The following OSBP2 variants were observed in gnomAD, a reference collection of about 807,000 sequenced individuals.
OSBP2 encodes the protein oxysterol binding protein 2, also known as oxysterol-binding protein 2.
Under a neutral mutation model 96.0 loss-of-function variants are expected in OSBP2, and 66 were observed. The ratio of observed to expected loss-of-function variants is 0.69; its 90% CI spans 0.56 to 0.84. The LOEUF (loss-of-function observed/expected upper bound fraction) is 0.84, where lower values mean the gene tolerates loss of function less well. Among genes scored for constraint, OSBP2 ranks in the 40% least tolerant of loss-of-function variants. The probability of loss-of-function intolerance (pLI) is 0.00; values close to 1 mark genes in which losing one functional copy is unlikely to be tolerated. For missense variants in OSBP2, 1,038 were observed against 1,222.7 expected (o/e 0.85, Z 2.25); for synonymous variants, 525 against 520.9 (o/e 1.01, Z -0.11).
chr22:30,822,508 G>GGACCCACGAGGGTCCGCCGCCTC, intron 2 of OSBP2: 1 of 1,348,416 alleles, frequency 7.4e-7, no homozygotes, highest in Non-Finnish European at 9.5e-7. Flanking sequence ...CGCGGCGCCG[G>GGACCCACGAGGGTCCGCCGCCTC]GACCCACGAG....
chr22:30,775,411 C>T (rs1215583474), intron 2 of OSBP2, among the ~76,000 whole-genome samples: 1 of 151,456 alleles, frequency 6.6e-6, no homozygotes, highest in Non-Finnish European at 1.5e-5. Context: ...AGTTTGAGAC[C>T]AGCCTGGCCA....
At chr22:30,788,749 G>C (rs994062664) in intron 2 of OSBP2, among the ~76,000 whole-genome samples, 2 of 152,118 alleles carry the variant, frequency 1.3e-5, no homozygotes, top group African/African-American at 2.4e-5. Context: ...GTCTTGCTCT[G>C]TCACCCAGGC....
chr22:30,869,875 C>G (rs559370127), intron 2 of OSBP2, among the ~76,000 whole-genome samples: 99 of 152,120 alleles, frequency 6.5e-4, no homozygotes, highest in Non-Finnish European at 8.4e-4. Context: ...GGGAAAGGCC[C>G]CAAACAGGAG....
rs186335938 is a variant in OSBP2, at chr22:30,794,254, C to T, written c.853+52885C>T. On this transcript the variant is annotated intron_variant, in intron 2 of 13. Transcript: ENST00000332585. Reference sequence around the variant, plus strand: ...AATAAAATTATCTTATTCTCTCCTCCTCTATTCATTTTTTTTTTTTTTTTT... The same window carrying T: ...AATAAAATTATCTTATTCTCTCCTCTTCTATTCATTTTTTTTTTTTTTTTT... 1.4e-3 allele frequency among the ~76,000 whole-genome samples: 206 copies of T among 148,048 alleles called. 2 individuals are homozygous for T. The Admixed American group carries it at 0.014, about 10-fold the overall frequency.
chr22:30,697,645 A>G (rs2089070984), intron 1 of OSBP2, among the ~76,000 whole-genome samples: 1 of 152,162 alleles, frequency 6.6e-6, no homozygotes, highest in South Asian at 2.1e-4. Context: ...CTTGCTGATA[A>G]TGTTGTGAAG....
At chr22:30,712,114 C>G (rs947816814) in intron 1 of OSBP2, among the ~76,000 whole-genome samples, 4 of 152,156 alleles carry the variant, frequency 2.6e-5, no homozygotes, top group Non-Finnish European at 5.9e-5. Context: ...TTGAGAAAGA[C>G]AGAGCGTGTC....
intron 8 of OSBP2, among the ~76,000 whole-genome samples, chr22:30,892,162 G>T (rs951007614): frequency 2.0e-5 from 3 of 152,270 alleles, no homozygotes; most frequent in East Asian, 3.9e-4. Context: ...TGAAGGAAGG[G>T]CAGGAAGGGT....
At chr22:30,895,801 G>A (rs1006777010) in intron 12 of OSBP2, among the ~76,000 whole-genome samples, 1 of 151,846 alleles carries the variant, frequency 6.6e-6, no homozygotes, top group Non-Finnish European at 1.5e-5. Flanking sequence ...AGCCAGGCAT[G>A]GTGGCACGCA....
At chr22:30,889,660 C>T (rs1331477856) in intron 7 of OSBP2, 24 bp downstream of exon 7, 3 of 1,612,442 alleles carry the variant, frequency 1.9e-6, no homozygotes, top group Non-Finnish European at 2.5e-6. Flanking sequence ...GCAGGGCAGC[C>T]CCGACAGGTC....
At position 30,889,569 on chromosome 22, in the gene OSBP2, A is replaced by G. The variant is rs750411254; in HGVS notation, c.1556A>G (p.Tyr519Cys). Residue 519 changes from tyrosine to cysteine, a missense_variant, in exon 7 of 14, where the codon TAC becomes TGC. This residue lies in a region of OSBP2 where 737 missense variants were observed against 913.3 expected (regional missense o/e 0.81). Coordinates refer to ENST00000332585, the MANE Select transcript of OSBP2 (RefSeq NM_030758.4). ...GTCCGCATTCCCAACAAGCCCAACT[A>G]CAGCCTTAACCTCTGGAGCATCATG... ...RRVRIPNKPN[Y>C]SLNLWSIMKN... is the part of the protein sequence containing the mutation. The G allele has an allele frequency of 2.5e-6, 4 of 1,613,944 alleles. No homozygotes were observed.
intron 3 of OSBP2, chr22:30,872,272 A>T (rs1434641691): frequency 2.2e-6 from 1 of 456,672 alleles, no homozygotes; most frequent in Non-Finnish European, 4.4e-6. Context: ...GCACTGAATG[A>T]CATAATAATG....
chr22:30,702,001 A>G (rs751634356), intron 1 of OSBP2, among the ~76,000 whole-genome samples: 107 of 152,276 alleles, frequency 7.0e-4, no homozygotes, highest in Non-Finnish European at 1.2e-3. Flanking sequence ...AGCAAGTTCT[A>G]GTGACATGAA....
At chr22:30,704,256 A>T (rs1390210418) in intron 1 of OSBP2, among the ~76,000 whole-genome samples, 1 of 152,234 alleles carries the variant, frequency 6.6e-6, no homozygotes, top group South Asian at 2.1e-4. Context: ...CAATGAAAGG[A>T]TGCAAAGAAA....
intron 1 of OSBP2, among the ~76,000 whole-genome samples, chr22:30,700,359 A>G (rs1768551578): frequency 6.6e-6 from 1 of 151,792 alleles, no homozygotes; most frequent in Non-Finnish European, 1.5e-5. Flanking sequence ...TTTTTTGTTC[A>G]ATGTTGGCTT....
intron 2 of OSBP2, among the ~76,000 whole-genome samples, chr22:30,825,791 T>G (rs2076215326): frequency 6.6e-6 from 1 of 152,112 alleles, no homozygotes; most frequent in South Asian, 2.1e-4. Flanking sequence ...GGTCATCAGT[T>G]TCTCGTCTGC....
chr22:30,821,244 G>A (rs1043923839), intron 2 of OSBP2, among the ~76,000 whole-genome samples: 4 of 152,256 alleles, frequency 2.6e-5, no homozygotes, highest in African/African-American at 9.6e-5. Flanking sequence ...GAGTGTCAGC[G>A]TCTGACATAC....
intron 2 of OSBP2, among the ~76,000 whole-genome samples, chr22:30,777,235 G>A (rs1237405574): frequency 1.3e-5 from 2 of 152,154 alleles, no homozygotes; most frequent in Non-Finnish European, 2.9e-5. Flanking sequence ...GGGGTGGGAT[G>A]ATATGGTTTG....
intron 2 of OSBP2, among the ~76,000 whole-genome samples, chr22:30,770,120 G>A (rs776909468): frequency 1.2e-4 from 15 of 126,800 alleles, no homozygotes; most frequent in Admixed American, 2.6e-4. Context: ...TTTTTTTTGA[G>A]ATGGAGTCTC....
chr22:30,898,712 CAT>C (rs1383306348), intron 12 of OSBP2, among the ~76,000 whole-genome samples: 1 of 152,016 alleles, frequency 6.6e-6, no homozygotes, highest in African/African-American at 2.4e-5. Context: ...CCTCCCCTGA[CAT>C]GTGGGGATTA....
Sources: allele counts gnomAD v4.1 joint callset (sites outside exome capture counted in the v4.1 genomes callset), GRCh38; gene constraint gnomAD v4.1.1; regional missense constraint gnomAD v4.1.1; transcripts MANE v1.5; gene names NCBI Gene and HGNC (gene_info 2026-07-23, HGNC 2026-07-21).